RAVER2: variants seen among roughly 807,000 people sequenced by gnomAD.
RAVER2 encodes the protein ribonucleoprotein PTB-binding 2.
A neutral mutation model predicts 78.1 loss-of-function variants in RAVER2; 46 were observed. That is an observed-to-expected ratio of 0.59 (90% CI 0.46 to 0.75). The LOEUF (loss-of-function observed/expected upper bound fraction) is 0.75. Among genes scored for constraint, RAVER2 ranks in the 30% least tolerant of loss-of-function variants. The probability of loss-of-function intolerance (pLI) is 0.00; values close to 1 mark genes in which losing one functional copy is unlikely to be tolerated. For missense variants in RAVER2, 793 were observed against 837.5 expected (o/e 0.95, Z 0.66); for synonymous variants, 311 against 313.3 (o/e 0.99, Z 0.08).
Position 64,812,790 on chromosome 1 carries a change from G to A in RAVER2, c.1733G>A (p.Arg578Gln), listed in dbSNP as rs931389838. ...TTGGGAGAACCACCAAAAGAAATTC[G>A]GCTCAGTAAAAATCCATACTTGAAT... Residue 578 changes from arginine (R) to glutamine (Q), a missense_variant, in exon 10 of 12, where the codon CGG becomes CAG. Transcript: ENST00000294428. The A allele has an allele frequency of 8.1e-6, 13 of 1,611,550 alleles. No individual in the cohort carries two copies. The highest frequency in any genetic ancestry group is 1.1e-5 in the South Asian group (1 of 90,760).
At chr1:64,813,209 A>G (rs1653668248) in intron 10 of RAVER2, among the ~76,000 whole-genome samples, 1 of 152,246 alleles carries the variant, frequency 6.6e-6, no homozygotes, top group Non-Finnish European at 1.5e-5. Context: ...TTCAATTACT[A>G]TAAATCAACT....
Position 64,802,861 on chromosome 1 carries a change from T to C in RAVER2, c.1106-115T>C, listed in dbSNP as rs531182580. ...ACAAGGTCACTATATCATTGAACTT[T>C]CAGTGGATTTGTTAATAGTTTAAAG... On this transcript the variant is annotated intron_variant, in intron 5 of 11. Transcript: ENST00000294428. The C allele has an allele frequency of 1.9e-4, 113 of 588,694 alleles. 3 individuals carry two copies. In the South Asian group the frequency reaches 2.4e-3, roughly 13 times the overall value. The allele number at this position is 588,694 out of a possible 1,614,324, so 36.5% of individuals were successfully genotyped here.
At chr1:64,817,287 C>G (rs573276059) in intron 11 of RAVER2, among the ~76,000 whole-genome samples, 2 of 152,308 alleles carry the variant, frequency 1.3e-5, no homozygotes, top group South Asian at 4.1e-4. Context: ...GAAATAGGAA[C>G]ACTTTTACAG....
chr1:64,827,695 TC>T (rs1238485894), intron 11 of RAVER2, among the ~76,000 whole-genome samples: 1 of 152,264 alleles, frequency 6.6e-6, no homozygotes, highest in Non-Finnish European at 1.5e-5. Flanking sequence ...TTCTGTCTCA[TC>T]TGTAAGTTTC....
intron 1 of RAVER2, among the ~76,000 whole-genome samples, chr1:64,746,935 A>G (rs768335438): frequency 1.3e-5 from 2 of 152,236 alleles, no homozygotes; most frequent in African/African-American, 2.4e-5. Context: ...GAGGAGAGAA[A>G]TAGAGAAGTA....
rs149120411 is a variant in RAVER2, at chr1:64,792,375, T to A, written c.1105+2861T>A. ...GATTTCCTTCCTATTATCATTATAT[T>A]TCCCTTAATGCAGTCCAAGATTATG... On this transcript the variant is annotated intron_variant, in intron 5 of 11. Transcript: ENST00000294428. Among the ~76,000 whole-genome samples, 413 of 152,326 alleles carry A rather than the reference T, an allele frequency of 2.7e-3. 3 individuals carry two copies. The highest frequency in any genetic ancestry group is 4.8e-3 in the South Asian group (23 of 4,834).
At chr1:64,791,538 CCAGT>C (rs1167791065) in intron 5 of RAVER2, among the ~76,000 whole-genome samples, 2 of 152,246 alleles carry the variant, frequency 1.3e-5, no homozygotes, top group African/African-American at 2.4e-5. Flanking sequence ...GGGACAAAGG[CCAGT>C]CAAATTCTTT....
At chr1:64,755,889 T>C (rs1192987897) in intron 1 of RAVER2, among the ~76,000 whole-genome samples, 1 of 152,014 alleles carries the variant, frequency 6.6e-6, no homozygotes, top group African/African-American at 2.4e-5. Context: ...CCCTGAACTG[T>C]TGGAGAGTGC....
chr1:64,831,625 G>A (rs1361557261), exon 12 of RAVER2: 1 of 152,158 alleles, frequency 6.6e-6, no homozygotes, highest in Non-Finnish European at 1.5e-5. Context: ...GTGAAAAATA[G>A]AAGGTATTTT....
rs1343173179 is a variant in RAVER2, at chr1:64,789,591, A to G, written c.1105+77A>G. The G allele has an allele frequency of 2.5e-6, 3 of 1,187,670 alleles. No individual in the cohort carries two copies. In the African/African-American group the frequency reaches 4.7e-5, roughly 19 times the overall value. 73.6% of individuals were successfully genotyped at this position (1,187,670 alleles called of 1,614,324 possible). On this transcript the variant is annotated intron_variant, in intron 5 of 11. Coordinates refer to ENST00000294428, the Ensembl canonical transcript of RAVER2. ...AATTTTTTCACATGTGAAATATGGA[A>G]AAATACATTGATTTGTGAAAAATAT...
At chr1:64,774,332 T>C (rs1484331478) in intron 2 of RAVER2, among the ~76,000 whole-genome samples, 2 of 152,330 alleles carry the variant, frequency 1.3e-5, no homozygotes, top group East Asian at 3.9e-4. Context: ...AAGTCTTTAA[T>C]CCACCTTGAG....
chr1:64,831,692 C>T (rs1015913657), exon 12 of RAVER2: 9 of 152,132 alleles, frequency 5.9e-5, no homozygotes, highest in Admixed American at 4.6e-4. Flanking sequence ...ACCCTGGGTC[C>T]ACATTTGGTC....
At chr1:64,755,001 A>T (rs1651810457) in intron 1 of RAVER2, among the ~76,000 whole-genome samples, 2 of 152,140 alleles carry the variant, frequency 1.3e-5, no homozygotes, top group African/African-American at 4.8e-5. Context: ...CTCTCTAGTC[A>T]CTCAGCAGCC....
intron 5 of RAVER2, 112 bp downstream of exon 5, chr1:64,789,626 A>G: frequency 1.2e-6 from 1 of 849,856 alleles, no homozygotes. Context: ...TATTTAAATT[A>G]GTATAAAATA....
At chr1:64,766,892 T>C (rs1296328739) in intron 1 of RAVER2, among the ~76,000 whole-genome samples, 1 of 152,156 alleles carries the variant, frequency 6.6e-6, no homozygotes, top group East Asian at 1.9e-4. Flanking sequence ...AAGAGTACAG[T>C]AGATGTTTTT....
exon 12 of RAVER2, chr1:64,830,857 G>A: frequency 6.2e-7 from 1 of 1,605,786 alleles, no homozygotes; most frequent in South Asian, 1.1e-5. Context: ...TTTAAGAAAT[G>A]AAAAGCGAGG....
intron 8 of RAVER2, among the ~76,000 whole-genome samples, chr1:64,805,808 G>A (rs974320174): frequency 3.3e-5 from 5 of 152,140 alleles, no homozygotes; most frequent in African/African-American, 1.2e-4. Flanking sequence ...AAATAACTTA[G>A]TTCTGACTGT....
Position 64,773,522 on chromosome 1 carries a change from A to G in RAVER2, c.317-4101A>G, listed in dbSNP as rs1652378714. 2.0e-5 allele frequency among the ~76,000 whole-genome samples: 3 copies of G among 152,048 alleles called. No homozygotes were observed. In the South Asian group the frequency reaches 6.2e-4, roughly 31 times the overall value. Reference sequence around the variant, plus strand: ...AAAGGACATGAACTCATCCTTTTTTATGGCTGCATAGTATTCCATGGTGTA... The same window carrying G: ...AAAGGACATGAACTCATCCTTTTTTGTGGCTGCATAGTATTCCATGGTGTA... On this transcript the variant is annotated intron_variant, in intron 2 of 11. Coordinates refer to ENST00000294428, the Ensembl canonical transcript of RAVER2.
chr1:64,787,616 G>A (rs1477808841), intron 4 of RAVER2, among the ~76,000 whole-genome samples: 1 of 152,160 alleles, frequency 6.6e-6, no homozygotes, highest in Non-Finnish European at 1.5e-5. Flanking sequence ...AAGGTTTTCA[G>A]TGACCAGCTG....
Sources: gnomAD v4.1 joint callset for allele counts (sites outside exome capture counted in the v4.1 genomes callset) on GRCh38, gnomAD v4.1.1 for gene constraint, MANE v1.5 for transcripts, NCBI Gene and HGNC (gene_info 2026-07-23, HGNC 2026-07-21) for gene names.